DLGAP3: variants seen among roughly 807,000 people sequenced by gnomAD.
DLGAP3 encodes the protein disks large-associated protein 3.
Under a neutral mutation model 81.2 loss-of-function variants are expected in DLGAP3, and 17 were observed. The observed-to-expected ratio is 0.21, with a 90% confidence interval of 0.14 to 0.31. The LOEUF (loss-of-function observed/expected upper bound fraction) is 0.31, where lower values mean the gene tolerates loss of function less well. Among genes scored for constraint, DLGAP3 ranks in the 10% least tolerant of loss-of-function variants. The pLI is 1.00. For synonymous variants in DLGAP3, 577 were observed against 587.4 expected (o/e 0.98, Z 0.26); for missense variants, 1,124 against 1,388.0 (o/e 0.81, Z 3.02).
At position 34,867,390 on chromosome 1, in the gene DLGAP3, A is replaced by G; in HGVS notation, c.2577+146T>C. ...AACACCTGGTCCTACCTCCAGGCAC[A>G]AGACTCACAGCTACCCCAGAAGGCA... is the stretch of plus-strand genomic sequence containing the variant. On this transcript the variant is annotated intron_variant, in intron 10 of 11. Coordinates refer to ENST00000373347, the MANE Select transcript of DLGAP3 (RefSeq NM_001080418.3). This position sits in a 1 kb window ranked among gnomAD's most constrained non-coding sequence, Gnocchi z 4.3. The G allele has an allele frequency of 9.6e-7, 1 of 1,046,464 alleles. No homozygotes were observed. Among genetic ancestry groups the G allele is most frequent in the Non-Finnish European group, 1.5e-6 (1 of 669,512 alleles). The allele number at this position is 1,046,464 out of a possible 1,614,324, so 64.8% of individuals were successfully genotyped here.
At chr1:34,915,248 C>T (rs940180569) in intron 1 of DLGAP3, among the ~76,000 whole-genome samples, 1 of 152,208 alleles carries the variant, frequency 6.6e-6, no homozygotes, top group African/African-American at 2.4e-5. Flanking sequence ...CTAAGCTGAC[C>T]TATCCAAAGA....
chr1:34,890,259 CA>C (rs1393236894), intron 5 of DLGAP3, among the ~76,000 whole-genome samples: 2 of 152,216 alleles, frequency 1.3e-5, no homozygotes, highest in Non-Finnish European at 2.9e-5. Context: ...CATATTCCAA[CA>C]GAAGCAACTG....
chr1:34,886,330 G>T lies in DLGAP3; in HGVS notation c.1387-45C>A, dbSNP rs763698923. ...GAGGACAGTTATAAGGTGCCGGGAG[G>T]GGGTGGAAGTCCCTGGGGTGCTCTG... On this transcript the variant is annotated intron_variant, in intron 5 of 11. Coordinates refer to ENST00000373347, the MANE Select transcript of DLGAP3 (RefSeq NM_001080418.3). The T allele has an allele frequency of 6.6e-6, 10 of 1,511,594 alleles. No homozygotes were observed. The African/African-American group carries it at 6.9e-5, about 10-fold the overall frequency. The allele number at this position is 1,511,594 out of a possible 1,614,324, so 93.6% of individuals were successfully genotyped here.
At position 34,867,569 on chromosome 1, in the gene DLGAP3, A is replaced by G; in HGVS notation, c.2544T>C (p.Val848=). 1 of 1,614,174 alleles carries G rather than the reference A, an allele frequency of 6.2e-7. No individual in the cohort carries two copies. Among genetic ancestry groups the G allele is most frequent in the South Asian group, 1.1e-5 (1 of 91,088 alleles). The change falls in exon 10 of 12, where the codon GTT becomes GTC. Residue 848 remains valine, a synonymous_variant. Transcript: ENST00000373347. The surrounding 1 kb of genome is among the most constrained non-coding windows in gnomAD (Gnocchi z 4.3). ...GCTGACACAGCCGGAAGAACTGCTG[A>G]ACCTTCTGGGACAGGAGAAGTTGTG... ...GSTQLLLSQK[V]QQFFRLCQQS... is the part of the protein sequence containing the mutation.
In DLGAP3 at chr1:34,865,526, C is replaced by G. The variant is rs1049225747; in HGVS notation, c.*557G>C. 3 of 171,340 alleles carry G rather than the reference C, an allele frequency of 1.8e-5. No homozygotes were observed. Among genetic ancestry groups the G allele is most frequent in the African/African-American group, 7.2e-5 (3 of 41,514 alleles). The allele number at this position is 171,340 out of a possible 1,614,324, so 10.6% of individuals were successfully genotyped here. ...TGAGGGGAAGCCCCCATCTCCCCTC[C>G]CCAGCCGCTGGGAAAGGGGAGAGGC... On this transcript the variant is annotated 3_prime_UTR_variant, in exon 12 of 12. Transcript: ENST00000373347.
chr1:34,919,872 C>T (rs1464622737), intron 1 of DLGAP3, among the ~76,000 whole-genome samples: 1 of 152,192 alleles, frequency 6.6e-6, no homozygotes, highest in African/African-American at 2.4e-5. Context: ...CAAATGGGGA[C>T]CCCTTCCTCC....
chr1:34,906,565 A>T (rs1639559074), intron 2 of DLGAP3, among the ~76,000 whole-genome samples: 1 of 152,116 alleles, frequency 6.6e-6, no homozygotes, highest in Non-Finnish European at 1.5e-5. Flanking sequence ...CCGGGTTCCA[A>T]ATATTTTCCC....
intron 8 of DLGAP3, among the ~76,000 whole-genome samples, chr1:34,879,092 A>T (rs1263652615): frequency 2.0e-5 from 3 of 151,728 alleles, no homozygotes; most frequent in Admixed American, 6.6e-5. Flanking sequence ...GAAAAAAAAA[A>T]ATTCCAGAAG....
intron 1 of DLGAP3, among the ~76,000 whole-genome samples, chr1:34,926,869 A>C (rs1237551861): frequency 6.6e-6 from 1 of 152,142 alleles, no homozygotes; most frequent in African/African-American, 2.4e-5. Flanking sequence ...TTCATTAGGA[A>C]CCCAATAAGG....
chr1:34,916,865 CT>C (rs1055574671), intron 1 of DLGAP3, among the ~76,000 whole-genome samples: 3 of 151,808 alleles, frequency 2.0e-5, no homozygotes, highest in African/African-American at 2.4e-5. Context: ...CTGGCTAATT[CT>C]TTTTTGCATG....
intron 5 of DLGAP3, among the ~76,000 whole-genome samples, chr1:34,891,223 T>G (rs1639307818): frequency 6.6e-6 from 1 of 152,212 alleles, no homozygotes; most frequent in African/African-American, 2.4e-5. Flanking sequence ...CTGAGGCTGC[T>G]CTCGTTCACC....
At chr1:34,901,232 G>C (rs1639456080) in intron 3 of DLGAP3, among the ~76,000 whole-genome samples, 1 of 152,110 alleles carries the variant, frequency 6.6e-6, no homozygotes, top group Non-Finnish European at 1.5e-5. Flanking sequence ...CCAGGGGAGA[G>C]AAGAAGAGAG....
chr1:34,900,435 G>C lies in DLGAP3; in HGVS notation c.1108-162C>G, dbSNP rs189282426. ...GGAGGTAGGGTCTCAGGCTGTCCCC[G>C]TCCCTTACAAGAGACACCTCGTCAT... is the stretch of plus-strand genomic sequence containing the variant. On this transcript the variant is annotated intron_variant, in intron 3 of 11. Transcript: ENST00000373347. The surrounding 1 kb of genome is among the most constrained non-coding windows in gnomAD (Gnocchi z 5.6). 6.6e-6 allele frequency among the ~76,000 whole-genome samples: 1 copy of C among 152,274 alleles called. No homozygotes were observed. The highest frequency in any genetic ancestry group is 1.5e-5 in the Non-Finnish European group (1 of 68,014).
chr1:34,901,029 A>G (rs950298968), intron 3 of DLGAP3, among the ~76,000 whole-genome samples: 4 of 152,056 alleles, frequency 2.6e-5, no homozygotes, highest in African/African-American at 9.7e-5. Context: ...CCGCTCACTG[A>G]GCCATAGAAC....
chr1:34,878,479 T>G (rs1263241757), intron 8 of DLGAP3, among the ~76,000 whole-genome samples: 1 of 151,710 alleles, frequency 6.6e-6, no homozygotes. Context: ...TTAGTAAGGA[T>G]GAAAAGCAGC....
At position 34,885,396 on chromosome 1, in the gene DLGAP3, T is replaced by A. The variant is rs1338063865; in HGVS notation, c.1914+82A>T. 2.8e-6 allele frequency: 4 copies of A among 1,453,758 alleles called. No homozygotes were observed. In the African/African-American group the frequency reaches 4.1e-5, roughly 15 times the overall value. 90.1% of individuals were successfully genotyped at this position (1,453,758 alleles called of 1,614,324 possible). Reference sequence around the variant, plus strand: ...GCAAGCCAGAAAGAATGTCGATATATCCAGAAGGCCGCTTCCAGCCCCTCA... The same window carrying A: ...GCAAGCCAGAAAGAATGTCGATATAACCAGAAGGCCGCTTCCAGCCCCTCA... On this transcript the variant is annotated intron_variant, in intron 7 of 11. Transcript: ENST00000373347.
chr1:34,913,543 T>C (rs1639670448), intron 1 of DLGAP3, among the ~76,000 whole-genome samples: 2 of 152,206 alleles, frequency 1.3e-5, no homozygotes, highest in South Asian at 4.1e-4. Context: ...TTCATTGCCC[T>C]CAGAGCACTG....
chr1:34,904,533 C>T lies in DLGAP3; in HGVS notation c.851G>A (p.Gly284Asp), dbSNP rs201571698. The part of the protein sequence containing the change: ...LAGGRPPGEP[G>D]GPFCLEGPDG... ...TGGACCCTCCAGGCAGAAGGGACCA[C>T]CAGGCTCCCCAGGGGGCCTCCCACC... The change falls in exon 3 of 12, where the codon GGT becomes GAT. Residue 284 changes from glycine (G) to aspartate (D), a missense_variant. By Grantham distance (94) the Gly-to-Asp change is moderately conservative. Transcript: ENST00000373347. This position sits in a 1 kb window ranked among gnomAD's most constrained non-coding sequence, Gnocchi z 8.1. 5.0e-5 allele frequency: 80 copies of T among 1,614,082 alleles called. No homozygotes were observed. Among genetic ancestry groups the T allele is most frequent in the South Asian group, 2.2e-5 (2 of 91,090 alleles).
intron 5 of DLGAP3, among the ~76,000 whole-genome samples, chr1:34,898,603 A>G (rs1639409964): frequency 6.6e-6 from 1 of 152,238 alleles, no homozygotes; most frequent in Non-Finnish European, 1.5e-5. Context: ...TCCCCAGCAT[A>G]CAGTAAAAAT....
Sources: allele counts gnomAD v4.1 joint callset (sites outside exome capture counted in the v4.1 genomes callset), GRCh38; gene constraint gnomAD v4.1.1; non-coding constraint Gnocchi (gnomAD v3.1); transcripts MANE v1.5; gene names NCBI Gene and HGNC (gene_info 2026-07-23, HGNC 2026-07-21).